The following FTO variants were observed in gnomAD, a reference collection of about 807,000 sequenced individuals.
FTO encodes the protein alpha-ketoglutarate-dependent dioxygenase FTO.
A neutral mutation model predicts 63.9 loss-of-function variants in FTO; 47 were observed. The ratio of observed to expected loss-of-function variants is 0.74; its 90% confidence interval spans 0.58 to 0.94. The LOEUF (loss-of-function observed/expected upper bound fraction) is 0.94, where lower values mean the gene tolerates loss of function less well. Among genes scored for constraint, FTO ranks in the 40% least tolerant of loss-of-function variants. The probability of loss-of-function intolerance (pLI) is 0.00; values close to 1 mark genes in which losing one functional copy is unlikely to be tolerated. For missense variants in FTO, 562 were observed against 618.1 expected (o/e 0.91, Z 0.96); for synonymous variants, 207 against 224.4 (o/e 0.92, Z 0.69).
intron 1 of FTO, among the ~76,000 whole-genome samples, chr16:53,727,630 C>T (rs895058058): frequency 3.3e-5 from 5 of 152,026 alleles, no homozygotes; most frequent in Non-Finnish European, 7.4e-5. Flanking sequence ...AGAGGATGAA[C>T]CTAACAGTAT....
At chr16:54,025,149 G>A (rs571795050) in intron 8 of FTO, among the ~76,000 whole-genome samples, 2 of 152,178 alleles carry the variant, frequency 1.3e-5, no homozygotes, top group Non-Finnish European at 2.9e-5. Context: ...TCCTCCATTA[G>A]GGGAGGCCAG....
At chr16:53,868,001 G>A (rs1302872055) in intron 4 of FTO, among the ~76,000 whole-genome samples, 2 of 151,916 alleles carry the variant, frequency 1.3e-5, no homozygotes, top group Non-Finnish European at 2.9e-5. Context: ...AATTAATATA[G>A]GCACTCCAGC....
chr16:53,807,903 G>A (rs1027759556), intron 1 of FTO, among the ~76,000 whole-genome samples: 3 of 152,094 alleles, frequency 2.0e-5, no homozygotes, highest in African/African-American at 7.2e-5. Context: ...CCAAATAATA[G>A]TTAATACTGA....
intron 7 of FTO, among the ~76,000 whole-genome samples, chr16:53,907,139 C>T (rs1454334867): frequency 6.6e-6 from 1 of 152,150 alleles, no homozygotes; most frequent in Non-Finnish European, 1.5e-5. Context: ...TATAGATGCT[C>T]CTCAACTTAC....
At chr16:53,806,412 T>A (rs1410308229) in intron 1 of FTO, among the ~76,000 whole-genome samples, 1 of 152,218 alleles carries the variant, frequency 6.6e-6, no homozygotes, top group Non-Finnish European at 1.5e-5. Flanking sequence ...CCCACCTCTA[T>A]TGACAGATAA....
chr16:54,003,764 G>T (rs1350051933), intron 8 of FTO, among the ~76,000 whole-genome samples: 1 of 152,076 alleles, frequency 6.6e-6, no homozygotes, highest in Non-Finnish European at 1.5e-5. Flanking sequence ...TTTAACCTAT[G>T]GTTGACAGCC....
In FTO at chr16:53,990,277, G is replaced by A. The variant is rs74501097; in HGVS notation, c.1364+56168G>A. On this transcript the variant is annotated intron_variant, in intron 8 of 8. Transcript: ENST00000471389. The stretch of plus-strand genomic sequence containing the variant: ...TACATTCAATAAATACCACTTAGTA[G>A]CCTCTTGGCTACTACTCACTCATTT... 9.8e-3 allele frequency among the ~76,000 whole-genome samples: 1,493 copies of A among 152,252 alleles called. 11 individuals carry two copies. Among genetic ancestry groups the A allele is most frequent in the Non-Finnish European group, 0.017 (1,137 of 68,026 alleles).
At chr16:53,835,619 G>A (rs2079267788) in intron 3 of FTO, among the ~76,000 whole-genome samples, 1 of 151,506 alleles carries the variant, frequency 6.6e-6, no homozygotes, top group South Asian at 2.1e-4. Context: ...TTTTTTGAAT[G>A]TTTTACAATT....
At chr16:53,749,029 G>A (rs1421065697) in intron 1 of FTO, among the ~76,000 whole-genome samples, 2 of 151,768 alleles carry the variant, frequency 1.3e-5, no homozygotes, top group African/African-American at 2.4e-5. Flanking sequence ...GCTTCCCAAA[G>A]TGCTGGGATT....
chr16:53,993,312 T>C (rs1279086271), intron 8 of FTO: 1 of 152,228 alleles, frequency 6.6e-6, no homozygotes, highest in Non-Finnish European at 1.5e-5. Context: ...AATTTAAAAA[T>C]AAGTGGCCAT....
intron 8 of FTO, among the ~76,000 whole-genome samples, chr16:54,102,352 A>G (rs964473892): frequency 6.6e-6 from 1 of 152,130 alleles, no homozygotes; most frequent in African/African-American, 2.4e-5. Context: ...ATGATGGGAA[A>G]CCTTTACCAA....
At chr16:53,735,566 G>A (rs932214377) in intron 1 of FTO, among the ~76,000 whole-genome samples, 13 of 152,148 alleles carry the variant, frequency 8.5e-5, no homozygotes, top group Non-Finnish European at 1.5e-5. Context: ...AGGTATTCTT[G>A]GAAATCCAAG....
At chr16:53,885,103 T>C (rs1420151840) in intron 6 of FTO, among the ~76,000 whole-genome samples, 2 of 152,204 alleles carry the variant, frequency 1.3e-5, no homozygotes, top group East Asian at 3.9e-4. Flanking sequence ...GTTTGTTTGG[T>C]TTTTTAGCCC....
intron 8 of FTO, among the ~76,000 whole-genome samples, chr16:54,028,353 C>CA (rs2084759646): frequency 6.6e-6 from 1 of 152,172 alleles, no homozygotes; most frequent in Admixed American, 6.5e-5. Context: ...CTCCTCCTCT[C>CA]ACCGTTTTCA....
intron 4 of FTO, 112 bp downstream of exon 4, chr16:53,844,410 A>T: frequency 1.1e-6 from 1 of 912,786 alleles, no homozygotes; most frequent in Non-Finnish European, 1.7e-6. Context: ...ATTTTATATT[A>T]AGAGCGAAAC....
chr16:53,833,083 C>T (rs1394752110), intron 3 of FTO, among the ~76,000 whole-genome samples: 16 of 152,120 alleles, frequency 1.1e-4, no homozygotes, highest in Non-Finnish European at 8.8e-5. Flanking sequence ...CGGTCTTTCC[C>T]GTGCTATTCT....
At chr16:53,786,865 A>G (rs1050969993) in intron 1 of FTO, among the ~76,000 whole-genome samples, 3 of 152,032 alleles carry the variant, frequency 2.0e-5, no homozygotes, top group African/African-American at 7.2e-5. Flanking sequence ...TGTTTCCAGG[A>G]CTTTGGGAGG....
intron 1 of FTO, among the ~76,000 whole-genome samples, chr16:53,794,220 T>TA (rs1238908898): frequency 2.6e-5 from 4 of 152,244 alleles, no homozygotes; most frequent in Admixed American, 1.3e-4. Context: ...TAAGACTTTT[T>TA]ATCCTAAAGA....
intron 2 of FTO, among the ~76,000 whole-genome samples, chr16:53,818,593 A>C (rs2078764549): frequency 6.6e-6 from 1 of 152,026 alleles, no homozygotes; most frequent in Non-Finnish European, 1.5e-5. Flanking sequence ...AATCAAAATG[A>C]TGCTCAAGTA....
Sources: allele counts gnomAD v4.1 joint callset (sites outside exome capture counted in the v4.1 genomes callset), GRCh38; gene constraint gnomAD v4.1.1; transcripts MANE v1.5; gene names NCBI Gene and HGNC (gene_info 2026-07-23, HGNC 2026-07-21).